COL16A1: variants seen among roughly 807,000 people sequenced by gnomAD.
COL16A1 encodes collagen type XVI alpha 1 chain.
Under a neutral mutation model 266.3 loss-of-function variants are expected in COL16A1, and 189 were observed. The observed-to-expected ratio is 0.71, with a 90% confidence interval of 0.63 to 0.80. The LOEUF is 0.80. Ranked by LOEUF, COL16A1 falls within the 30% of genes least tolerant of loss-of-function variation. COL16A1 has a pLI of 0.00. For missense variants in COL16A1, 1,928 were observed against 2,122.4 expected (o/e 0.91, Z 1.80); for synonymous variants, 740 against 782.3 (o/e 0.95, Z 0.90).
chr1:31,686,303 G>C (rs141736437), intron 26 of COL16A1, 24 bp from the exon 27 acceptor site: 1 of 1,614,204 alleles, frequency 6.2e-7, no homozygotes, highest in Admixed American at 1.7e-5. Flanking sequence ...CAGAAACCAT[G>C]ATTAAAGAGG....
intron 37 of COL16A1, 36 bp from the exon 38 acceptor site, chr1:31,681,103 T>C (rs376736208): frequency 8.2e-6 from 13 of 1,586,580 alleles, no homozygotes; most frequent in Middle Eastern, 1.9e-4. Flanking sequence ...AGGGTGAGAC[T>C]GGGCAGCGGC....
chr1:31,675,366 C>A, intron 42 of COL16A1, 55 bp from the exon 43 acceptor site: 2 of 1,592,402 alleles, frequency 1.3e-6, no homozygotes, highest in South Asian at 2.3e-5. Context: ...GCCTGCTGGT[C>A]AGCCTGTTTC....
rs745709915 is a variant in COL16A1, at chr1:31,698,540, G to A, written c.333C>T (p.His111=). Residue 111 remains histidine (H), a synonymous_variant, in exon 5 of 71, where the codon CAC becomes CAT. Coordinates refer to ENST00000373672, the MANE Select transcript of COL16A1 (RefSeq NM_001856.4). The surrounding 1 kb of genome is among the most constrained non-coding windows in gnomAD (Gnocchi z 4.1). ...ACAGATACCACGTCTTCTGGTGGGT[G>A]TGTTTCTTCAGCAGTAGTGTCAGCA... is the stretch of plus-strand genomic sequence containing the variant. ...ALVLTLLLKK[H]THQKTWYLFQ... is the part of the protein sequence containing the mutation. The A allele has an allele frequency of 1.2e-6, 2 of 1,614,140 alleles. No homozygotes were observed. Among genetic ancestry groups the A allele is most frequent in the Admixed American group, 1.7e-5 (1 of 60,018 alleles).
At chr1:31,695,982 A>G in intron 9 of COL16A1, 106 bp downstream of exon 9, 4 of 1,126,662 alleles carry the variant, frequency 3.6e-6, no homozygotes, top group Non-Finnish European at 5.3e-6. Context: ...AGGAGGTGGG[A>G]AAGGCGGGAG....
chr1:31,691,701 T>C, intron 17 of COL16A1, 59 bp from the exon 18 acceptor site: 1 of 1,573,564 alleles, frequency 6.4e-7, no homozygotes, highest in Non-Finnish European at 8.6e-7. Context: ...ACCGCCCCAC[T>C]GGGAGAGGTG....
chr1:31,677,548 AGAATT>A (rs1643291796), intron 42 of COL16A1, among the ~76,000 whole-genome samples: 1 of 152,264 alleles, frequency 6.6e-6, no homozygotes, highest in Non-Finnish European at 1.5e-5. Context: ...AAGTGCAGCC[AGAATT>A]GAAAGCTGGG....
At chr1:31,693,310 C>A (rs923134601) in intron 12 of COL16A1, 156 bp from the exon 13 acceptor site, 7 of 636,010 alleles carry the variant, frequency 1.1e-5, no homozygotes, top group South Asian at 5.3e-5. Context: ...CGCCTCCCCC[C>A]ACCACACACA....
chr1:31,695,089 C>A, intron 11 of COL16A1, 97 bp downstream of exon 11: 1 of 1,267,600 alleles, frequency 7.9e-7, no homozygotes, highest in Non-Finnish European at 1.1e-6. Flanking sequence ...GTACAAAGAC[C>A]CCCTTGTCCT....
At chr1:31,681,798 C>T (rs1355579065) in intron 37 of COL16A1, among the ~76,000 whole-genome samples, 1 of 152,234 alleles carries the variant, frequency 6.6e-6, no homozygotes, top group African/African-American at 2.4e-5. Context: ...ACTTGAAGCC[C>T]CTGAGGACCT....
chr1:31,689,651 G>A (rs1200409631), intron 23 of COL16A1, 90 bp downstream of exon 23: 1 of 1,014,202 alleles, frequency 9.9e-7, no homozygotes, highest in Non-Finnish European at 1.6e-6. Flanking sequence ...GAAGTACCCA[G>A]CCCCTCTGCC....
chr1:31,673,353 G>A (rs1169046139), intron 44 of COL16A1: 1 of 167,078 alleles, frequency 6.0e-6, no homozygotes, highest in Non-Finnish European at 1.3e-5. Context: ...TTCCCCACAG[G>A]AAGGGCTTTA....
chr1:31,691,939 G>A, intron 17 of COL16A1, 66 bp downstream of exon 17: 1 of 1,609,230 alleles, frequency 6.2e-7, no homozygotes, highest in Non-Finnish European at 8.5e-7. Flanking sequence ...ATTCCCGAAG[G>A]TTAAATCCCA....
In COL16A1 at chr1:31,660,425, C is replaced by G. The variant is rs555340213; in HGVS notation, c.3879+160G>C. Reference sequence around the variant, plus strand: ...ATGTGCCCAGAAAATAAGAAAATAACGAAAAGCCTGGAAACCACAGAAGGA... The same window carrying G: ...ATGTGCCCAGAAAATAAGAAAATAAGGAAAAGCCTGGAAACCACAGAAGGA... On this transcript the variant is annotated intron_variant, in intron 62 of 70. Transcript: ENST00000373672. Among the ~76,000 whole-genome samples the G allele has an allele frequency of 5.9e-5, 9 of 152,342 alleles. No homozygotes were observed. The South Asian group carries it at 1.9e-3, about 32-fold the overall frequency.
At chr1:31,653,514 G>T (rs1640812631) in intron 70 of COL16A1, 85 bp downstream of exon 70, 2 of 1,462,444 alleles carry the variant, frequency 1.4e-6, no homozygotes, top group Non-Finnish European at 1.8e-6. Flanking sequence ...TTTGGAGTTT[G>T]ACACAGCTGT....
In COL16A1 at chr1:31,697,941, G is replaced by A. The variant is rs1644569078; in HGVS notation, c.622C>T (p.Leu208=). The part of the protein sequence containing the change: ...RPMRPVGHVF[L]GLDAEQGKPV... ...TTGCCCTGCTCAGCATCCAAGCCTA[G>A]AAATACATGGCCCACAGGCCTCATG... The change falls in exon 6 of 71, where the codon CTA becomes TTA. Residue 208 remains leucine, a synonymous_variant. Coordinates refer to ENST00000373672, the MANE Select transcript of COL16A1 (RefSeq NM_001856.4). The surrounding 1 kb of genome is among the most constrained non-coding windows in gnomAD (Gnocchi z 4.2). 1 of 1,613,106 alleles carries A rather than the reference G, an allele frequency of 6.2e-7. No individual in the cohort carries two copies. Among genetic ancestry groups the A allele is most frequent in the African/African-American group, 1.3e-5 (1 of 74,970 alleles).
intron 37 of COL16A1, among the ~76,000 whole-genome samples, chr1:31,681,903 T>G (rs1231600736): frequency 1.3e-5 from 2 of 152,224 alleles, no homozygotes; most frequent in Non-Finnish European, 1.5e-5. Context: ...CTGTGTGGGC[T>G]TGGGCGAGTC....
At chr1:31,659,439 C>T (rs189556965) in intron 62 of COL16A1, among the ~76,000 whole-genome samples, 4 of 152,286 alleles carry the variant, frequency 2.6e-5, no homozygotes, top group East Asian at 3.9e-4. Context: ...AAGGAGCTAA[C>T]ACTTGCTGGC....
chr1:31,667,370 C>T (rs757166661), intron 52 of COL16A1, among the ~76,000 whole-genome samples: 1 of 152,204 alleles, frequency 6.6e-6, no homozygotes, highest in Non-Finnish European at 1.5e-5. Context: ...GCGGCTGCCT[C>T]CTGGCACCCT....
At chr1:31,655,190 G>T in intron 67 of COL16A1, 124 bp downstream of exon 67, 2 of 1,438,188 alleles carry the variant, frequency 1.4e-6, no homozygotes. Context: ...GTTAAGAGCT[G>T]CCCTCTATGG....
Sources: allele counts gnomAD v4.1 joint callset (sites outside exome capture counted in the v4.1 genomes callset), GRCh38; gene constraint gnomAD v4.1.1; non-coding constraint Gnocchi (gnomAD v3.1); transcripts MANE v1.5; gene names NCBI Gene and HGNC (gene_info 2026-07-23, HGNC 2026-07-21).